Variants in SHISA5 observed in about 807,000 individuals in gnomAD.
The protein encoded by SHISA5 is shisa family member 5.
A neutral mutation model predicts 27.5 loss-of-function variants in SHISA5; 21 were observed. That is an observed-to-expected ratio of 0.76 (90% CI 0.54 to 1.10). The LOEUF is 1.10. Among genes scored for constraint, SHISA5 ranks in the 50% least tolerant of loss-of-function variants. The probability of loss-of-function intolerance (pLI) is 0.00; values close to 1 mark genes in which losing one functional copy is unlikely to be tolerated. For synonymous variants in SHISA5, 137 were observed against 142.2 expected, an observed-to-expected ratio of 0.96 and a Z score of 0.26; for missense variants, 314 against 336.3, an observed-to-expected ratio of 0.93 and a Z score of 0.52.
intron 2 of SHISA5, among the ~76,000 whole-genome samples, chr3:48,488,246 T>C (rs1468485004): frequency 1.4e-5 from 2 of 146,210 alleles, no homozygotes; most frequent in Non-Finnish European, 3.0e-5. Flanking sequence ...GACTGCTTTT[T>C]TTTTTTTTTT....
chr3:48,494,893 A>C (rs2041506239), intron 2 of SHISA5, among the ~76,000 whole-genome samples: 1 of 147,508 alleles, frequency 6.8e-6, no homozygotes, highest in South Asian at 2.1e-4. Flanking sequence ...TGTTGTATAC[A>C]TGAAATGTAT....
intron 2 of SHISA5, among the ~76,000 whole-genome samples, chr3:48,496,628 GGAGGCT>G (rs1321005860): frequency 2.0e-5 from 3 of 150,566 alleles, no homozygotes; most frequent in Admixed American, 1.3e-4. Flanking sequence ...CAGCTACTTG[GGAGGCT>G]GAGGCAGTAG....
chr3:48,488,093 C>A (rs2041305130), intron 2 of SHISA5, among the ~76,000 whole-genome samples: 2 of 151,912 alleles, frequency 1.3e-5, no homozygotes. Context: ...ATTAGAATAA[C>A]AACACATACA....
At chr3:48,486,131 A>T (rs918426587) in intron 2 of SHISA5, among the ~76,000 whole-genome samples, 2 of 147,676 alleles carry the variant, frequency 1.4e-5, no homozygotes, top group Non-Finnish European at 3.0e-5. Context: ...AATTTTGCAA[A>T]TGTGATGTTA....
rs115666747 is a variant in SHISA5 at position 48,473,894 on chromosome 3, T to C, written c.315-4051A>G. On this transcript the variant is annotated intron_variant, in intron 3 of 5. Transcript: ENST00000296444. This position sits in a 1 kb window ranked among gnomAD's most constrained non-coding sequence, Gnocchi z 4.3. ...TGGGCAACATGGCAAAACTCCTTCT[T>C]TACCTACCAAAAAATACAAAAATTA... Among the ~76,000 whole-genome samples the C allele has an allele frequency of 0.013, 1,927 of 151,652 alleles. 42 individuals carry two copies. The highest frequency in any genetic ancestry group is 0.043 in the African/African-American group (1,791 of 41,308).
Position 48,469,935 on chromosome 3 carries a change from G to C in SHISA5, c.315-92C>G. 2.0e-6 allele frequency: 3 copies of C among 1,498,328 alleles called. No homozygotes were observed. The highest frequency in any genetic ancestry group is 4.1e-5 in the Admixed American group (2 of 48,234). 92.8% of individuals were successfully genotyped at this position (1,498,328 alleles called of 1,614,324 possible). A position where few individuals can be genotyped will look rare whatever the true frequency, so the allele number is the denominator to read the frequency against. Reference sequence around the variant, plus strand: ...AAGGCATGCCCCTCTTGCCAGAAGGGGTCTGGGCAATACAGTTATAGCTAC... The same window carrying C: ...AAGGCATGCCCCTCTTGCCAGAAGGCGTCTGGGCAATACAGTTATAGCTAC... On this transcript the variant is annotated intron_variant, in intron 3 of 5. Coordinates refer to ENST00000296444, the MANE Select transcript of SHISA5 (RefSeq NM_016479.6). This position sits in a 1 kb window ranked among gnomAD's most constrained non-coding sequence, Gnocchi z 4.6.
chr3:48,498,641 C>T (rs533526660), intron 2 of SHISA5, among the ~76,000 whole-genome samples: 1 of 142,830 alleles, frequency 7.0e-6, no homozygotes, highest in East Asian at 2.1e-4. Context: ...GAGATGAGAT[C>T]ACGCGCCACT....
intron 3 of SHISA5, among the ~76,000 whole-genome samples, chr3:48,472,517 G>GT (rs981941863): frequency 2.6e-5 from 4 of 151,982 alleles, no homozygotes; most frequent in Non-Finnish European, 4.4e-5. Flanking sequence ...AAAATAATAA[G>GT]TTTTTTTTAA....
intron 1 of SHISA5, chr3:48,503,586 G>A: frequency 1.9e-6 from 1 of 522,442 alleles, no homozygotes; most frequent in Non-Finnish European, 2.6e-6. Context: ...GGGCTCTACA[G>A]GAACACAAGG....
At chr3:48,503,980 G>A in intron 1 of SHISA5, 39 bp downstream of exon 1, 1 of 1,455,020 alleles carries the variant, frequency 6.9e-7, no homozygotes, top group Admixed American at 2.5e-5. Context: ...TGTCTGCCCG[G>A]TCCCAGGGCA....
chr3:48,501,189 C>A lies in SHISA5; in HGVS notation c.181G>T (p.Val61Leu). The A allele has an allele frequency of 6.2e-7, 1 of 1,614,142 alleles. No homozygotes were observed. The highest frequency in any genetic ancestry group is 1.1e-5 in the South Asian group (1 of 91,078). The part of the protein sequence containing the change: ...TCDDQYCCSD[V>L]LKKFVWSEER... ...TCGCTCCACACAAATTTCTTCAGCA[C>A]GTCAGAGCAGCAGTATTGGTCATCA... The change falls in exon 2 of 6, where the codon GTG becomes TTG. Residue 61 changes from valine (V) to leucine (L), a missense_variant. Val to Leu is a conservative substitution (Grantham distance 32). Transcript: ENST00000296444.
chr3:48,468,224 T>C lies in SHISA5; in HGVS notation c.*883A>G. 2 of 1,001,992 alleles carry C rather than the reference T, an allele frequency of 2.0e-6. No individual in the cohort carries two copies. The highest frequency in any genetic ancestry group is 1.2e-6 in the Non-Finnish European group (1 of 839,232). The allele number at this position is 1,001,992 out of a possible 1,614,324, so 62.1% of individuals were successfully genotyped here. A position where few individuals can be genotyped will look rare whatever the true frequency, so the allele number is the denominator to read the frequency against. ...GGTTTCAGTCTCATATCAACTATCA[T>C]GTTTGAAACAGAAAACAGGCAAAAT... is the stretch of plus-strand genomic sequence containing the variant. On this transcript the variant is annotated 3_prime_UTR_variant, in exon 6 of 6. Transcript: ENST00000296444.
chr3:48,469,259 G>T lies in SHISA5; in HGVS notation c.644-73C>A, dbSNP rs1256708985. ...GTGTGAGTGGCAGGCAAGCAGAAAG[G>T]GGCAGAGGCCTGTTGAGTGATGTAG... On this transcript the variant is annotated intron_variant, in intron 5 of 5. Transcript: ENST00000296444. The surrounding 1 kb of genome is among the most constrained non-coding windows in gnomAD (Gnocchi z 4.6). The T allele has an allele frequency of 6.3e-7, 1 of 1,586,436 alleles. No individual in the cohort carries two copies. Among genetic ancestry groups the T allele is most frequent in the African/African-American group, 1.3e-5 (1 of 74,508 alleles).
chr3:48,475,598 C>T (rs952758472), intron 3 of SHISA5, among the ~76,000 whole-genome samples: 1 of 152,156 alleles, frequency 6.6e-6, no homozygotes, highest in Non-Finnish European at 1.5e-5. Context: ...GAGGTAGCAC[C>T]GGGGCTGTGG....
chr3:48,491,486 G>A (rs563341244), intron 2 of SHISA5, among the ~76,000 whole-genome samples: 1 of 152,110 alleles, frequency 6.6e-6, no homozygotes, highest in South Asian at 2.1e-4. Context: ...GAAACCAAGC[G>A]GTGCCCGGAC....
chr3:48,479,050 G>T, intron 3 of SHISA5, 127 bp downstream of exon 3: 1 of 797,160 alleles, frequency 1.3e-6, no homozygotes, highest in Non-Finnish European at 2.0e-6. Context: ...GGTCAGATAT[G>T]GTGACAGTTT....
intron 2 of SHISA5, among the ~76,000 whole-genome samples, chr3:48,492,796 G>A (rs1187348947): frequency 6.8e-6 from 1 of 147,466 alleles, no homozygotes; most frequent in African/African-American, 2.7e-5. Context: ...TCCCAGAACT[G>A]GGGTTAATCA....
Position 48,504,027 on chromosome 3 carries a change from G to A in SHISA5, c.68C>T (p.Pro23Leu). The A allele has an allele frequency of 6.8e-7, 1 of 1,469,516 alleles. No homozygotes were observed. Among genetic ancestry groups the A allele is most frequent in the Non-Finnish European group, 9.0e-7 (1 of 1,107,386 alleles). 91.0% of individuals were successfully genotyped at this position (1,469,516 alleles called of 1,614,324 possible). A position where few individuals can be genotyped will look rare whatever the true frequency, so the allele number is the denominator to read the frequency against. Residue 23 changes from proline to leucine, a missense_variant, in exon 1 of 6, where the codon CCT becomes CTT. Transcript: ENST00000296444. This position sits in a 1 kb window ranked among gnomAD's most constrained non-coding sequence, Gnocchi z 4.0. ...PLLLLLLLTP[P>L]PGARGEVCMA... ...CCCCACCCCCGGCTCACCACCCGGA[G>A]GCGGCGTTAGCAGCAGCAGCAACAG...
At chr3:48,476,103 G>A (rs1260314920) in intron 3 of SHISA5, among the ~76,000 whole-genome samples, 1 of 152,140 alleles carries the variant, frequency 6.6e-6, no homozygotes, top group Admixed American at 6.5e-5. Flanking sequence ...AGCATTTTGG[G>A]AGGCTGAGGC....
Sources: gnomAD v4.1 joint callset for allele counts (sites outside exome capture counted in the v4.1 genomes callset) on GRCh38, gnomAD v4.1.1 for gene constraint, Gnocchi (gnomAD v3.1) non-coding constraint, MANE v1.5 for transcripts, NCBI Gene and HGNC (gene_info 2026-07-23, HGNC 2026-07-21) for gene names.